HECW1: variants seen among roughly 807,000 people sequenced by gnomAD.
HECW1 encodes HECT, C2 and WW domain containing E3 ubiquitin protein ligase 1, also known as E3 ubiquitin-protein ligase HECW1.
In HECW1, 61 loss-of-function variants were observed where a neutral mutation model predicts 182.3. The ratio of observed to expected loss-of-function variants is 0.33; its 90% confidence interval spans 0.27 to 0.41. The LOEUF (loss-of-function observed/expected upper bound fraction) is 0.41, where lower values mean the gene tolerates loss of function less well. HECW1 is among the 10% of genes least tolerant of loss of function. HECW1 has a pLI of 1.00. For synonymous variants in HECW1, 859 were observed against 832.6 expected, an observed-to-expected ratio of 1.03 and a Z score of -0.55; for missense variants, 1,739 against 2,108.9, an observed-to-expected ratio of 0.82 and a Z score of 3.44.
chr7:43,240,724 G>A (rs1798801184), intron 2 of HECW1, among the ~76,000 whole-genome samples: 1 of 152,228 alleles, frequency 6.6e-6, no homozygotes, highest in African/African-American at 2.4e-5. Flanking sequence ...GCGTTGATGA[G>A]TAGTGACAGG....
chr7:43,162,534 C>CT (rs1252120687), intron 2 of HECW1, among the ~76,000 whole-genome samples: 1 of 152,238 alleles, frequency 6.6e-6, no homozygotes, highest in African/African-American at 2.4e-5. Flanking sequence ...CCAGGATGAA[C>CT]TTTTATCTCA....
At chr7:43,447,666 T>C (rs1429318973) in intron 11 of HECW1, among the ~76,000 whole-genome samples, 1 of 152,244 alleles carries the variant, frequency 6.6e-6, no homozygotes, top group Non-Finnish European at 1.5e-5. Flanking sequence ...ATTGTGGGAC[T>C]GTCCTTCACT....
At chr7:43,418,908 CA>C (rs978720918) in intron 8 of HECW1, among the ~76,000 whole-genome samples, 10 of 152,082 alleles carry the variant, frequency 6.6e-5, no homozygotes, top group Admixed American at 2.0e-4. Context: ...GATTTTGCTC[CA>C]GGGGGTATTG....
intron 2 of HECW1, among the ~76,000 whole-genome samples, chr7:43,231,636 C>T (rs1797883027): frequency 6.6e-6 from 1 of 152,016 alleles, no homozygotes; most frequent in Non-Finnish European, 1.5e-5. Flanking sequence ...GGGCTTATAC[C>T]AGTAACATAG....
At chr7:43,537,806 A>G (rs192132003) in intron 24 of HECW1, among the ~76,000 whole-genome samples, 114 of 152,240 alleles carry the variant, frequency 7.5e-4, no homozygotes, top group Non-Finnish European at 1.1e-3. Flanking sequence ...TAAAAAAGCT[A>G]TGGCTTGTTT....
intron 2 of HECW1, among the ~76,000 whole-genome samples, chr7:43,131,525 C>A (rs996569088): frequency 6.6e-6 from 1 of 152,116 alleles, no homozygotes; most frequent in East Asian, 1.9e-4. Flanking sequence ...GTATACAAAT[C>A]ATTGACTGCA....
Position 43,274,253 on chromosome 7 carries a change from CTT to C in HECW1, c.27+30323_27+30324del. The C allele has an allele frequency of 8.3e-6, 7 of 840,236 alleles. No homozygotes were observed. In the South Asian group the frequency reaches 1.1e-4, roughly 13 times the overall value. 52.0% of individuals were successfully genotyped at this position (840,236 alleles called of 1,614,324 possible). On this transcript the variant is annotated intron_variant, in intron 3 of 29. Transcript: ENST00000395891. Reference sequence around the variant, plus strand: ...CACTGCCCCTCTACTGCATGCGAATCTTTGCGCCTAAATCATGTCGTCGCCAA... The same window carrying C: ...CACTGCCCCTCTACTGCATGCGAATCTGCGCCTAAATCATGTCGTCGCCAA...
chr7:43,172,228 A>G (rs1211731632), intron 2 of HECW1, among the ~76,000 whole-genome samples: 1 of 151,946 alleles, frequency 6.6e-6, no homozygotes, highest in Non-Finnish European at 1.5e-5. Flanking sequence ...CAGGAGGTGG[A>G]GGTTGCAGTG....
At chr7:43,167,994 C>T (rs73314730) in intron 2 of HECW1, among the ~76,000 whole-genome samples, 139 of 152,318 alleles carry the variant, frequency 9.1e-4, no homozygotes, top group African/African-American at 3.3e-3. Flanking sequence ...CCCTCACCAA[C>T]ACCACACCAC....
intron 2 of HECW1, among the ~76,000 whole-genome samples, chr7:43,175,740 C>T (rs554962767): frequency 2.0e-5 from 3 of 152,244 alleles, no homozygotes; most frequent in Non-Finnish European, 2.9e-5. Context: ...AAGTCATGAA[C>T]GCACGGAGCT....
intron 19 of HECW1, among the ~76,000 whole-genome samples, chr7:43,495,753 C>A (rs75282349): frequency 0.16 from 24,262 of 152,214 alleles, 2,479 homozygotes; most frequent in South Asian, 0.23. Context: ...TCATATTCAG[C>A]CACCTGGGTC....
In HECW1 at chr7:43,304,669, T is replaced by G. The variant is rs1807318336; in HGVS notation, c.28-7094T>G. On this transcript the variant is annotated intron_variant, in intron 3 of 29. Coordinates refer to ENST00000395891, the MANE Select transcript of HECW1 (RefSeq NM_015052.5). ...ACCACACATGGCTAATTTTTTTGTA[T>G]TTTTAGTAGAGACGGGGTTTCACCA... is the stretch of plus-strand genomic sequence containing the variant. Among the ~76,000 whole-genome samples the G allele has an allele frequency of 2.0e-5, 3 of 152,056 alleles. No homozygotes were observed. The South Asian group carries it at 6.2e-4, about 32-fold the overall frequency.
Position 43,444,745 on chromosome 7 carries a change from C to T in HECW1, c.1573C>T (p.Arg525Trp), listed in dbSNP as rs1562984403. 3.7e-6 allele frequency: 6 copies of T among 1,613,554 alleles called. No individual in the cohort carries two copies. The highest frequency in any genetic ancestry group is 5.1e-6 in the Non-Finnish European group (6 of 1,179,760). ...LEQGEGRLQL[R>W]ASVKRKSRPC... is the part of the protein sequence containing the mutation. ...GCAGGGAGAGGGCAGGCTGCAGCTG[C>T]GGGCCTCGGTGAAGAGAAAAAGCAG... The change falls in exon 11 of 30, where the codon CGG (arginine) becomes TGG (tryptophan). Residue 525 changes from arginine to tryptophan, a missense_variant. Arg to Trp is a moderately radical substitution (Grantham distance 101). This residue lies in a region of HECW1 where 971 missense variants were observed against 1,029.1 expected (regional missense o/e 0.94). Coordinates refer to ENST00000395891, the MANE Select transcript of HECW1 (RefSeq NM_015052.5). The surrounding 1 kb of genome is among the most constrained non-coding windows in gnomAD (Gnocchi z 4.3).
intron 5 of HECW1, among the ~76,000 whole-genome samples, chr7:43,347,278 T>G (rs916465355): frequency 4.5e-5 from 6 of 134,504 alleles, no homozygotes; most frequent in African/African-American, 1.7e-4. Context: ...TTTTTTTTTT[T>G]GCAGCTATTG....
At chr7:43,434,674 A>G (rs981386881) in intron 8 of HECW1, among the ~76,000 whole-genome samples, 2 of 152,190 alleles carry the variant, frequency 1.3e-5, no homozygotes, top group African/African-American at 4.8e-5. Context: ...TCCAGTAACC[A>G]TGGCATGGAG....
chr7:43,293,314 G>A (rs914622977), intron 3 of HECW1, among the ~76,000 whole-genome samples: 3 of 151,862 alleles, frequency 2.0e-5, no homozygotes, highest in East Asian at 1.9e-4. Context: ...TCAAGGGCCC[G>A]AATACAGAAT....
chr7:43,397,241 C>T (rs35493447), intron 7 of HECW1, among the ~76,000 whole-genome samples: 42,915 of 152,032 alleles, frequency 0.28, 7,133 homozygotes, highest in Middle Eastern at 0.45. Context: ...TAAACAAAAC[C>T]TCACATGGGG....
At chr7:43,465,908 G>A (rs1042355834) in intron 14 of HECW1, among the ~76,000 whole-genome samples, 4 of 147,114 alleles carry the variant, frequency 2.7e-5, no homozygotes, top group Non-Finnish European at 4.4e-5. Flanking sequence ...AAGACAAAGA[G>A]AGAGAGAGAA....
intron 2 of HECW1, among the ~76,000 whole-genome samples, chr7:43,210,872 G>A (rs568686026): frequency 2.6e-5 from 4 of 152,346 alleles, no homozygotes; most frequent in South Asian, 4.1e-4. Flanking sequence ...GACGGCGAGC[G>A]AAAGCTCAGG....
Sources: gnomAD v4.1 joint callset for allele counts (sites outside exome capture counted in the v4.1 genomes callset) on GRCh38, gnomAD v4.1.1 for gene constraint, gnomAD v4.1.1 regional missense constraint, Gnocchi (gnomAD v3.1) non-coding constraint, MANE v1.5 for transcripts, NCBI Gene and HGNC (gene_info 2026-07-23, HGNC 2026-07-21) for gene names.